Variants in ADAMTS13 observed in about 807,000 individuals in gnomAD.
The protein encoded by ADAMTS13 is A disintegrin and metalloproteinase with thrombospondin motifs 13.
ADAMTS13 carries 110 observed loss-of-function variants against 155.1 expected under a neutral mutation model. The observed-to-expected ratio is 0.71, with a 90% CI of 0.61 to 0.83. ADAMTS13 has a LOEUF of 0.83. Among genes scored for constraint, ADAMTS13 ranks in the 40% least tolerant of loss-of-function variants. ADAMTS13 has a pLI of 0.00. For synonymous variants in ADAMTS13, 758 were observed against 756.4 expected, an observed-to-expected ratio of 1.00 and a Z score of -0.03; for missense variants, 1,707 against 1,891.7, an observed-to-expected ratio of 0.90 and a Z score of 1.81.
intron 19 of ADAMTS13, among the ~76,000 whole-genome samples, 166 bp from the exon 20 acceptor site, chr9:133,444,697 C>T (rs775752872): frequency 2.6e-5 from 4 of 152,306 alleles, no homozygotes; most frequent in East Asian, 1.9e-4. Context: ...ATGGGGAACC[C>T]GGTGCTTCAG....
intron 7 of ADAMTS13, among the ~76,000 whole-genome samples, chr9:133,429,138 T>C (rs2130800441): frequency 1.1e-5 from 1 of 88,972 alleles, no homozygotes; most frequent in Non-Finnish European, 2.5e-5. Flanking sequence ...CGCCCACTCC[T>C]GCGCCCACCC....
intron 23 of ADAMTS13, among the ~76,000 whole-genome samples, chr9:133,451,913 A>AG (rs1588201961): frequency 6.6e-6 from 1 of 151,714 alleles, no homozygotes; most frequent in South Asian, 2.1e-4. Flanking sequence ...AAAAAAAAAA[A>AG]AAAGATTTTA....
At chr9:133,437,027 G>C (rs1841290679) in intron 12 of ADAMTS13, 72 bp downstream of exon 12, 6 of 1,530,248 alleles carry the variant, frequency 3.9e-6, no homozygotes, top group African/African-American at 2.7e-5. Context: ...AGAGTCATAG[G>C]GGGGTTGGCC....
chr9:133,455,352 C>T lies in ADAMTS13; in HGVS notation c.3317C>T (p.Ala1106Val), dbSNP rs370060687. The change falls in exon 25 of 29, where the codon GCG becomes GTG. Residue 1106 changes from alanine (A) to valine (V), a missense_variant. Around this residue, in one of 3 missense-constraint regions of ADAMTS13, gnomAD observed 961 missense variants for 1,107.9 expected, o/e 0.87. Transcript: ENST00000355699. ...ACCTGCCTCGGACCCCAGGCCCAGGCGCCTGTGCCAGCTGATTTCTGCCAG... is the reference window on the plus strand; with the variant it reads ...ACCTGCCTCGGACCCCAGGCCCAGGTGCCTGTGCCAGCTGATTTCTGCCAG... ...RDTCLGPQAQ[A>V]PVPADFCQHL... 58 of 1,610,916 alleles carry T rather than the reference C, an allele frequency of 3.6e-5. No individual in the cohort carries two copies. Among genetic ancestry groups the T allele is most frequent in the African/African-American group, 1.3e-4 (10 of 74,942 alleles).
upstream of ADAMTS13, among the ~76,000 whole-genome samples, chr9:133,420,066 G>A (rs782083126): frequency 9.2e-5 from 14 of 152,134 alleles, no homozygotes; most frequent in African/African-American, 1.4e-4. Flanking sequence ...CACCACGCCC[G>A]GCTAATTTTG....
At chr9:133,428,438 G>A (rs997900836) in intron 6 of ADAMTS13, among the ~76,000 whole-genome samples, 196 bp from the exon 7 acceptor site, 1 of 152,194 alleles carries the variant, frequency 6.6e-6, no homozygotes, top group Non-Finnish European at 1.5e-5. Context: ...GGGGGAAACT[G>A]AGGCAGGGCG....
At chr9:133,428,985 C>A (rs1236535560) in intron 7 of ADAMTS13, among the ~76,000 whole-genome samples, 4 of 145,958 alleles carry the variant, frequency 2.7e-5, no homozygotes, top group Admixed American at 1.3e-4. Flanking sequence ...CTGGGCCGCC[C>A]GCGCCACCCC....
At chr9:133,417,908 C>T, upstream of ADAMTS13, 2 of 1,497,700 alleles carry the variant, frequency 1.3e-6, no homozygotes, top group Non-Finnish European at 9.0e-7. Flanking sequence ...GGGCCCGGCG[C>T]CCTGGCAGCA....
At chr9:133,428,567 G>GGGCCCCCC in intron 6 of ADAMTS13, 67 bp from the exon 7 acceptor site, 1 of 96,950 alleles carries the variant, frequency 1.0e-5, no homozygotes, top group Non-Finnish European at 2.0e-5. Flanking sequence ...GCCGACCCCC[G>GGGCCCCCC]TCCCGCCCCC....
intron 25 of ADAMTS13, chr9:133,455,639 T>G (rs1554795677): frequency 1.3e-6 from 2 of 1,595,268 alleles, no homozygotes; most frequent in Non-Finnish European, 1.7e-6. Context: ...AGGCAGCTGC[T>G]GCAGGAGGGG....
upstream of ADAMTS13, among the ~76,000 whole-genome samples, chr9:133,417,219 G>T (rs1554781818): frequency 6.6e-6 from 1 of 152,228 alleles, no homozygotes; most frequent in Non-Finnish European, 1.5e-5. Flanking sequence ...GTTTCACCAT[G>T]TTGGCCGGGC....
intron 8 of ADAMTS13, 110 bp from the exon 9 acceptor site, chr9:133,432,478 T>A: frequency 2.1e-6 from 2 of 967,116 alleles, no homozygotes; most frequent in Admixed American, 4.0e-5. Flanking sequence ...GTGCAGAGTG[T>A]TGGCTGTGTC....
Position 133,426,069 on chromosome 9 carries a change from G to T in ADAMTS13, c.539+7G>T, listed in dbSNP as rs184864675. 6.2e-7 allele frequency: 1 copy of T among 1,613,918 alleles called. No homozygotes were observed. Among genetic ancestry groups the T allele is most frequent in the Non-Finnish European group, 8.5e-7 (1 of 1,180,028 alleles). The stretch of plus-strand genomic sequence containing the variant: ...TGGTCCTCTATATCACTAGGTAGCC[G>T]AGCTTTCTGATGGGTGCTGGCCAGC... On this transcript the variant is annotated splice_region_variant and intron_variant, in intron 5 of 28. Transcript: ENST00000355699.
chr9:133,440,734 G>T lies in ADAMTS13; in HGVS notation c.1968+209G>T, dbSNP rs916932055. Among the ~76,000 whole-genome samples, 1 of 152,194 alleles carries T rather than the reference G, an allele frequency of 6.6e-6. No individual in the cohort carries two copies. The highest frequency in any genetic ancestry group is 1.9e-4 in the East Asian group (1 of 5,192). On this transcript the variant is annotated intron_variant, in intron 16 of 28. Transcript: ENST00000355699. The surrounding 1 kb of genome is among the most constrained non-coding windows in gnomAD (Gnocchi z 4.3). ...TAGGGTCCCACAAATATCCAAATGT[G>T]CCTGTGCCCAGAGCCCGTGGGAGAA...
intron 27 of ADAMTS13, among the ~76,000 whole-genome samples, chr9:133,457,698 AGAG>A (rs1229061466): frequency 6.6e-6 from 1 of 152,270 alleles, no homozygotes; most frequent in Non-Finnish European, 1.5e-5. Context: ...CTTCAGTTAC[AGAG>A]GAGGGAACCA....
At chr9:133,421,691 G>A (rs1394689001), upstream of ADAMTS13, among the ~76,000 whole-genome samples, 2 of 152,208 alleles carry the variant, frequency 1.3e-5, no homozygotes, top group Non-Finnish European at 2.9e-5. Flanking sequence ...GATGCAGGAG[G>A]AGAGAGCTGG....
intron 8 of ADAMTS13, 42 bp from the exon 9 acceptor site, chr9:133,432,546 T>C (rs892990632): frequency 1.5e-5 from 22 of 1,514,890 alleles, no homozygotes; most frequent in East Asian, 4.9e-5. Flanking sequence ...TGGAAGGCCC[T>C]GGTGGCCCCT....
intron 6 of ADAMTS13, 98 bp downstream of exon 6, chr9:133,426,443 T>A: frequency 6.6e-7 from 1 of 1,511,358 alleles, no homozygotes; most frequent in South Asian, 1.2e-5. Flanking sequence ...CCTTGTAGAG[T>A]TTCTCCAGAG....
At chr9:133,436,708 C>T (rs1412589747) in intron 11 of ADAMTS13, 121 bp from the exon 12 acceptor site, 3 of 1,051,162 alleles carry the variant, frequency 2.9e-6, no homozygotes, top group African/African-American at 1.6e-5. Flanking sequence ...CGAGGCACGG[C>T]CTGGAGCTGA....
Sources: gnomAD v4.1 joint callset for allele counts (sites outside exome capture counted in the v4.1 genomes callset) on GRCh38, gnomAD v4.1.1 for gene constraint, gnomAD v4.1.1 regional missense constraint, Gnocchi (gnomAD v3.1) non-coding constraint, MANE v1.5 for transcripts, NCBI Gene and HGNC (gene_info 2026-07-23, HGNC 2026-07-21) for gene names.